The following HIPK2 variants were observed in gnomAD, a reference collection of about 807,000 sequenced individuals.
HIPK2 encodes homeodomain interacting protein kinase 2.
In HIPK2, 27 loss-of-function variants were observed where a neutral mutation model predicts 113.7. The ratio of observed to expected loss-of-function variants is 0.24; its 90% CI spans 0.17 to 0.33. The LOEUF (loss-of-function observed/expected upper bound fraction) is 0.33. Among genes scored for constraint, HIPK2 ranks in the 10% least tolerant of loss-of-function variants. The pLI, the probability that HIPK2 is intolerant of heterozygous loss-of-function variation, is 1.00. For synonymous variants in HIPK2, 631 were observed against 642.2 expected, an observed-to-expected ratio of 0.98 and a Z score of 0.26; for missense variants, 1,257 against 1,588.0, an observed-to-expected ratio of 0.79 and a Z score of 3.54.
chr7:139,629,919 C>T (rs1310455417), intron 4 of HIPK2, among the ~76,000 whole-genome samples: 4 of 152,050 alleles, frequency 2.6e-5, no homozygotes, highest in Non-Finnish European at 5.9e-5. Context: ...TTGCCAAATG[C>T]CAGGCCTCCC....
intron 1 of HIPK2, among the ~76,000 whole-genome samples, chr7:139,737,573 G>C (rs1470502313): frequency 6.6e-6 from 1 of 152,114 alleles, no homozygotes; most frequent in East Asian, 1.9e-4. Context: ...CTTTCTCCTG[G>C]ACTGCAGGAA....
chr7:139,592,582 A>G (rs570090085), intron 12 of HIPK2, among the ~76,000 whole-genome samples: 4 of 152,332 alleles, frequency 2.6e-5, no homozygotes, highest in African/African-American at 9.6e-5. Context: ...AGTTCTTACA[A>G]AAATAAAAAA....
At chr7:139,585,194 TAG>T (rs962671595) in intron 12 of HIPK2, among the ~76,000 whole-genome samples, 2 of 152,312 alleles carry the variant, frequency 1.3e-5, no homozygotes, top group African/African-American at 2.4e-5. Flanking sequence ...CGGAGCCTCA[TAG>T]AGTCACAGCC....
intron 13 of HIPK2, among the ~76,000 whole-genome samples, chr7:139,578,830 C>T (rs1257888133): frequency 6.6e-6 from 1 of 152,112 alleles, no homozygotes; most frequent in African/African-American, 2.4e-5. Context: ...GCCACCAAAC[C>T]TGGCTATTTT....
chr7:139,745,086 ATTAG>A (rs1480606753), intron 1 of HIPK2, among the ~76,000 whole-genome samples: 1 of 152,176 alleles, frequency 6.6e-6, no homozygotes, highest in Non-Finnish European at 1.5e-5. Context: ...GTTCACTGCA[ATTAG>A]TTAGGAATCA....
At chr7:139,603,967 C>T (rs764014782) in intron 10 of HIPK2, 114 bp downstream of exon 10, 52 of 1,401,488 alleles carry the variant, frequency 3.7e-5, no homozygotes, top group Non-Finnish European at 5.0e-5. Context: ...CTTTAAAAAG[C>T]TCTCTACAAA....
chr7:139,611,460 A>C (rs747810938), intron 9 of HIPK2, among the ~76,000 whole-genome samples: 1 of 152,238 alleles, frequency 6.6e-6, no homozygotes, highest in Non-Finnish European at 1.5e-5. Flanking sequence ...AAAGCATATG[A>C]GTGTCTTAAT....
intron 2 of HIPK2, among the ~76,000 whole-genome samples, chr7:139,667,984 C>T (rs144725778): frequency 0.073 from 11,081 of 151,438 alleles, 541 homozygotes; most frequent in East Asian, 0.13. Flanking sequence ...AAAAATTAGC[C>T]GGGTGTGATG....
intron 7 of HIPK2, among the ~76,000 whole-genome samples, chr7:139,618,600 T>C (rs772808858): frequency 3.3e-5 from 5 of 152,208 alleles, no homozygotes; most frequent in Non-Finnish European, 7.3e-5. Context: ...TGCAGAGTCT[T>C]TGCGACACCC....
At chr7:139,680,621 A>G (rs1802667438) in intron 2 of HIPK2, among the ~76,000 whole-genome samples, 1 of 152,220 alleles carries the variant, frequency 6.6e-6, no homozygotes, top group Non-Finnish European at 1.5e-5. Context: ...AAATGCCTCA[A>G]ATGTAGCAAA....
At chr7:139,709,974 G>A (rs943561329) in intron 2 of HIPK2, among the ~76,000 whole-genome samples, 16 of 152,316 alleles carry the variant, frequency 1.1e-4, no homozygotes, top group Admixed American at 9.8e-4. Context: ...CTATCGGGGG[G>A]TAGAACCCCC....
intron 12 of HIPK2, among the ~76,000 whole-genome samples, chr7:139,587,168 T>C (rs1357052777): frequency 6.6e-6 from 1 of 152,152 alleles, no homozygotes; most frequent in African/African-American, 2.4e-5. Context: ...AACTATACAG[T>C]ACAGTACATG....
intron 2 of HIPK2, among the ~76,000 whole-genome samples, chr7:139,678,088 T>C (rs1169971099): frequency 6.6e-6 from 1 of 152,218 alleles, no homozygotes; most frequent in Non-Finnish European, 1.5e-5. Flanking sequence ...TCTTGTAAAT[T>C]TGTTTAAGTT....
At chr7:139,615,139 G>A (rs529677184) in intron 7 of HIPK2, among the ~76,000 whole-genome samples, 71 of 152,362 alleles carry the variant, frequency 4.7e-4, no homozygotes, top group African/African-American at 1.6e-3. Flanking sequence ...AAGGACTATG[G>A]TCTCAGTACC....
Position 139,691,284 on chromosome 7 carries a change from C to T in HIPK2, c.1103+24648G>A, listed in dbSNP as rs540721634. 9.7e-4 allele frequency among the ~76,000 whole-genome samples: 147 copies of T among 152,244 alleles called. 1 individual carries two copies. Among genetic ancestry groups the T allele is most frequent in the African/African-American group, 3.3e-3 (139 of 41,540 alleles). On this transcript the variant is annotated intron_variant, in intron 2 of 14. Transcript: ENST00000406875. ...CATCTGGCACCCTTGCTGATAAAAC[C>T]GAACATCAAATAACACTGCAGTTGC... is the stretch of plus-strand genomic sequence containing the variant.
At chr7:139,636,749 A>G (rs1377278874) in intron 2 of HIPK2, among the ~76,000 whole-genome samples, 1 of 152,090 alleles carries the variant, frequency 6.6e-6, no homozygotes, top group African/African-American at 2.4e-5. Flanking sequence ...ATTTTGTGGT[A>G]CCTATTTCAG....
intron 2 of HIPK2, among the ~76,000 whole-genome samples, chr7:139,688,908 G>A (rs1794314968): frequency 6.6e-6 from 1 of 151,900 alleles, no homozygotes; most frequent in Admixed American, 6.6e-5. Flanking sequence ...AAGACTTCTG[G>A]GTACATTCAG....
At chr7:139,607,637 T>C (rs963461036) in intron 9 of HIPK2, among the ~76,000 whole-genome samples, 2 of 152,034 alleles carry the variant, frequency 1.3e-5, no homozygotes, top group Non-Finnish European at 2.9e-5. Context: ...GAAAACATAA[T>C]CACAGTATAT....
Position 139,567,188 on chromosome 7 carries a change from G to C in HIPK2, c.*5739C>G, listed in dbSNP as rs1446628079. Reference sequence around the variant, plus strand: ...AGTTCTAAGGCATCAAAGTGGAAAAGTACTGCTATTCCGAGCCCAGCCCCC... The same window carrying C: ...AGTTCTAAGGCATCAAAGTGGAAAACTACTGCTATTCCGAGCCCAGCCCCC... On this transcript the variant is annotated 3_prime_UTR_variant, in exon 15 of 15. Transcript: ENST00000406875. 6.6e-6 allele frequency: 1 copy of C among 152,146 alleles called. No homozygotes were observed. The allele number at this position is 152,146 out of a possible 1,614,324, so 9.4% of individuals were successfully genotyped here. A position where few individuals can be genotyped will look rare whatever the true frequency, so the allele number is the denominator to read the frequency against.
Sources: allele counts gnomAD v4.1 joint callset (sites outside exome capture counted in the v4.1 genomes callset), GRCh38; gene constraint gnomAD v4.1.1; transcripts MANE v1.5; gene names NCBI Gene and HGNC (gene_info 2026-07-23, HGNC 2026-07-21).